The following KDM5A variants were observed in gnomAD, a reference collection of about 807,000 sequenced individuals.
The protein encoded by KDM5A is lysine demethylase 5A.
In KDM5A, 42 loss-of-function variants were observed where a neutral mutation model predicts 193.5. That is an observed-to-expected ratio of 0.22 (90% confidence interval 0.17 to 0.28). The LOEUF is 0.28. Among genes scored for constraint, KDM5A ranks in the 10% least tolerant of loss-of-function variants. The pLI is 1.00. For missense variants in KDM5A, 1,692 were observed against 2,055.1 expected, an observed-to-expected ratio of 0.82 and a Z score of 3.42; for synonymous variants, 796 against 718.1, an observed-to-expected ratio of 1.11 and a Z score of -1.73.
At chr12:328,758 G>T in intron 14 of KDM5A, 77 bp downstream of exon 14, 1 of 1,364,090 alleles carries the variant, frequency 7.3e-7, no homozygotes, top group Non-Finnish European at 1.0e-6. Flanking sequence ...GATAAGGGAT[G>T]AAAATTCTAC....
chr12:294,828 T>C (rs1055977856), intron 26 of KDM5A, among the ~76,000 whole-genome samples: 4 of 152,230 alleles, frequency 2.6e-5, no homozygotes, highest in African/African-American at 9.6e-5. Context: ...ACTTTCTTCA[T>C]ATGCAGAATG....
At chr12:340,664 T>C (rs1227976650) in intron 10 of KDM5A, among the ~76,000 whole-genome samples, 5 of 117,206 alleles carry the variant, frequency 4.3e-5, no homozygotes, top group African/African-American at 1.0e-4. Context: ...CACTGCACTC[T>C]AGCCCAGGCA....
intron 24 of KDM5A, among the ~76,000 whole-genome samples, chr12:305,145 C>T (rs1053438476): frequency 2.0e-5 from 3 of 152,222 alleles, no homozygotes; most frequent in South Asian, 2.1e-4. Flanking sequence ...AAGAACTGTA[C>T]GCAACTGTAA....
chr12:332,528 T>C (rs926122216), intron 12 of KDM5A, among the ~76,000 whole-genome samples: 2 of 152,224 alleles, frequency 1.3e-5, no homozygotes, highest in Admixed American at 6.5e-5. Flanking sequence ...TGATTATCTA[T>C]AGTAAACTTG....
At position 317,998 on chromosome 12, in the gene KDM5A, G is replaced by C. The variant is rs561586822; in HGVS notation, c.2897+108C>G. Reference sequence around the variant, plus strand: ...CTACTTATACATTAAAATCCTAAACGCAAAAAAAAAAAAAGTCATTTAATG... The same window carrying C: ...CTACTTATACATTAAAATCCTAAACCCAAAAAAAAAAAAAGTCATTTAATG... On this transcript the variant is annotated intron_variant, in intron 19 of 27. Coordinates refer to ENST00000399788, the MANE Select transcript of KDM5A (RefSeq NM_001042603.3). 4.9e-6 allele frequency: 4 copies of C among 809,046 alleles called. No individual in the cohort carries two copies. The African/African-American group carries it at 5.3e-5, about 11-fold the overall frequency. 50.1% of individuals were successfully genotyped at this position (809,046 alleles called of 1,614,324 possible). A position where few individuals can be genotyped will look rare whatever the true frequency, so the allele number is the denominator to read the frequency against.
intron 10 of KDM5A, among the ~76,000 whole-genome samples, chr12:344,563 A>C (rs1468237636): frequency 6.6e-6 from 1 of 152,218 alleles, no homozygotes; most frequent in Non-Finnish European, 1.5e-5. Context: ...CTAACAGCGG[A>C]TCTCTCGGCA....
intron 3 of KDM5A, among the ~76,000 whole-genome samples, chr12:367,350 A>T (rs1944370217): frequency 6.6e-6 from 1 of 152,064 alleles, no homozygotes; most frequent in South Asian, 2.1e-4. Flanking sequence ...CAGGAGTTTC[A>T]AACCATGCTG....
chr12:305,603 T>G (rs1464103344), intron 24 of KDM5A, among the ~76,000 whole-genome samples: 1 of 152,218 alleles, frequency 6.6e-6, no homozygotes, highest in Non-Finnish European at 1.5e-5. Flanking sequence ...GAATAGATTC[T>G]AAACAAAGCA....
At chr12:349,092 C>T (rs1301049723) in intron 10 of KDM5A, among the ~76,000 whole-genome samples, 5 of 150,764 alleles carry the variant, frequency 3.3e-5, no homozygotes, top group African/African-American at 9.7e-5. Context: ...GCAATCTCGG[C>T]TCACTGCAAC....
At chr12:308,096 G>A (rs553789470) in intron 22 of KDM5A, 91 bp from the exon 23 acceptor site, 2 of 1,391,878 alleles carry the variant, frequency 1.4e-6, no homozygotes, top group East Asian at 4.6e-5. Context: ...TTTCTCCCAA[G>A]TTATCAGTTA....
chr12:357,149 T>C (rs1382370561), intron 5 of KDM5A, among the ~76,000 whole-genome samples: 1 of 151,566 alleles, frequency 6.6e-6, no homozygotes, highest in East Asian at 2.0e-4. Flanking sequence ...GGCATGGTGG[T>C]GTGCATCTGT....
In KDM5A at chr12:284,728, C is replaced by T. The variant is rs1414504843; in HGVS notation, c.*728G>A. ...AGCAAGACTTTTCAAAGCCAAAAAACGGCTCCTTGCCTTGTAGTAGGTTCT... is the reference window on the plus strand; with the variant it reads ...AGCAAGACTTTTCAAAGCCAAAAAATGGCTCCTTGCCTTGTAGTAGGTTCT... On this transcript the variant is annotated 3_prime_UTR_variant, in exon 28 of 28. Coordinates refer to ENST00000399788, the MANE Select transcript of KDM5A (RefSeq NM_001042603.3). 9 of 232,266 alleles carry T rather than the reference C, an allele frequency of 3.9e-5. No homozygotes were observed. The highest frequency in any genetic ancestry group is 1.7e-4 in the Admixed American group (3 of 17,736). The allele number at this position is 232,266 out of a possible 1,614,324, so 14.4% of individuals were successfully genotyped here. A position where few individuals can be genotyped will look rare whatever the true frequency, so the allele number is the denominator to read the frequency against.
intron 24 of KDM5A, among the ~76,000 whole-genome samples, chr12:301,301 C>T (rs1351783368): frequency 6.6e-6 from 1 of 152,184 alleles, no homozygotes; most frequent in Admixed American, 6.5e-5. Flanking sequence ...CAAACTGAAT[C>T]CAGCAGTACA....
intron 18 of KDM5A, among the ~76,000 whole-genome samples, chr12:319,387 T>C (rs1043820464): frequency 3.3e-5 from 5 of 152,120 alleles, no homozygotes; most frequent in East Asian, 3.8e-4. Context: ...TTGGAGGTAA[T>C]AGCAGCCAGC....
Position 281,884 on chromosome 12 carries a change from A to C in KDM5A, c.*3572T>G, listed in dbSNP as rs1943157742. On this transcript the variant is annotated 3_prime_UTR_variant, in exon 28 of 28. Coordinates refer to ENST00000399788, the MANE Select transcript of KDM5A (RefSeq NM_001042603.3). Reference sequence around the variant, plus strand: ...CGTGCACGAATTGCATCCAGAACCCAAAAATTAAGAAATTCAAAAAGACAT... The same window carrying C: ...CGTGCACGAATTGCATCCAGAACCCCAAAATTAAGAAATTCAAAAAGACAT... The C allele has an allele frequency of 7.1e-6, 2 of 280,226 alleles. No homozygotes were observed. Among genetic ancestry groups the C allele is most frequent in the African/African-American group, 2.2e-5 (1 of 46,120 alleles). The allele number at this position is 280,226 out of a possible 1,614,324, so 17.4% of individuals were successfully genotyped here. A position where few individuals can be genotyped will look rare whatever the true frequency, so the allele number is the denominator to read the frequency against.
rs779243375 is a variant in KDM5A, at chr12:355,226, C to T, written c.802G>A (p.Val268Ile). The change falls in exon 7 of 28, where the codon GTT (valine) becomes ATT (isoleucine). Residue 268 changes from valine to isoleucine, a missense_variant. Physicochemically the swap from Val to Ile is conservative, Grantham distance 29. Coordinates refer to ENST00000399788, the MANE Select transcript of KDM5A (RefSeq NM_001042603.3). ...KEDEVTRRRK[V>I]TNRSDAFNMQ... Reference sequence around the variant, plus strand: ...TTAAATGCGTCTGACCTGTTGGTAACTTTTCGTCTTCGGGTGACCTCATCT... The same window carrying T: ...TTAAATGCGTCTGACCTGTTGGTAATTTTTCGTCTTCGGGTGACCTCATCT... 3 of 1,611,854 alleles carry T rather than the reference C, an allele frequency of 1.9e-6. No homozygotes were observed. Among genetic ancestry groups the T allele is most frequent in the Non-Finnish European group, 2.5e-6 (3 of 1,177,906 alleles).
chr12:372,467 C>T (rs998856945), intron 3 of KDM5A, among the ~76,000 whole-genome samples: 1 of 152,178 alleles, frequency 6.6e-6, no homozygotes, highest in Non-Finnish European at 1.5e-5. Context: ...GCTGAAGTTG[C>T]TTTTCAGCTT....
At chr12:362,866 G>A in intron 5 of KDM5A, 97 bp downstream of exon 5, 3 of 1,127,208 alleles carry the variant, frequency 2.7e-6, no homozygotes, top group Non-Finnish European at 4.0e-6. Context: ...GCGGAGGCAA[G>A]AGGATCACTT....
Position 328,348 on chromosome 12 carries a change from T to C in KDM5A, c.1968+487A>G, listed in dbSNP as rs369490436. Among the ~76,000 whole-genome samples, 10 of 152,298 alleles carry C rather than the reference T, an allele frequency of 6.6e-5. No individual in the cohort carries two copies. The East Asian group carries it at 1.5e-3, about 24-fold the overall frequency. ...GCCAAGATGATGCTGAAGATACACA[T>C]TTTCTCATATATTACCCAGTTCAAT... On this transcript the variant is annotated intron_variant, in intron 14 of 27. Transcript: ENST00000399788.
Sources: gnomAD v4.1 joint callset for allele counts (sites outside exome capture counted in the v4.1 genomes callset) on GRCh38, gnomAD v4.1.1 for gene constraint, MANE v1.5 for transcripts, NCBI Gene and HGNC (gene_info 2026-07-23, HGNC 2026-07-21) for gene names.